The following FHIT variants were observed in gnomAD, a reference collection of about 807,000 sequenced individuals.
FHIT encodes bis(5'-adenosyl)-triphosphatase.
FHIT carries 19 observed loss-of-function variants against 17.9 expected under a neutral mutation model. The ratio of observed to expected loss-of-function variants is 1.06; its 90% CI spans 0.74 to 1.56. The LOEUF is 1.56. FHIT is among the 40% of genes most tolerant of loss of function. FHIT has a pLI of 0.00. For synonymous variants in FHIT, 81 were observed against 69.7 expected (o/e 1.16, Z -0.81); for missense variants, 248 against 189.2 (o/e 1.31, Z -1.82).
intron 5 of FHIT, among the ~76,000 whole-genome samples, chr3:60,287,196 T>G (rs1052664919): frequency 6.6e-6 from 1 of 151,868 alleles, no homozygotes; most frequent in Non-Finnish European, 1.5e-5. Context: ...TCAGACAGAG[T>G]CTTGCTCTGT....
intron 2 of FHIT, among the ~76,000 whole-genome samples, chr3:61,057,170 T>C (rs1307910343): frequency 1.3e-5 from 2 of 152,272 alleles, no homozygotes; most frequent in Non-Finnish European, 2.9e-5. Flanking sequence ...ATTCATCTTG[T>C]TAATGCAATA....
At chr3:61,043,341 C>T (rs773773150) in intron 2 of FHIT, among the ~76,000 whole-genome samples, 16 of 151,820 alleles carry the variant, frequency 1.1e-4, no homozygotes, top group South Asian at 2.2e-4. Flanking sequence ...ACGCCTAGCT[C>T]GGAGGGTCCC....
chr3:61,134,991 GAAAGCAGA>G (rs774989262), intron 2 of FHIT, among the ~76,000 whole-genome samples: 6 of 152,166 alleles, frequency 3.9e-5, no homozygotes, highest in Non-Finnish European at 7.3e-5. Flanking sequence ...CCTTGGGGAA[GAAAGCAGA>G]AAAGCAGAAA....
At chr3:60,353,023 T>C (rs138324612) in intron 5 of FHIT, among the ~76,000 whole-genome samples, 2,019 of 152,292 alleles carry the variant, frequency 0.013, 34 homozygotes, top group African/African-American at 0.036. Context: ...AGTTGATCAA[T>C]TGATTTGTTT....
intron 3 of FHIT, among the ~76,000 whole-genome samples, chr3:61,011,348 C>T (rs1194706170): frequency 6.6e-6 from 1 of 152,080 alleles, no homozygotes; most frequent in Non-Finnish European, 1.5e-5. Flanking sequence ...TTTTAGCTTG[C>T]TCTCACATAA....
chr3:59,993,197 G>T (rs1699363539), intron 7 of FHIT, among the ~76,000 whole-genome samples: 1 of 151,912 alleles, frequency 6.6e-6, no homozygotes, highest in Non-Finnish European at 1.5e-5. Context: ...TCACTCCTTG[G>T]TCGTTACGAC....
intron 3 of FHIT, among the ~76,000 whole-genome samples, chr3:60,838,360 G>A (rs1162404325): frequency 2.0e-5 from 3 of 151,840 alleles, no homozygotes; most frequent in Non-Finnish European, 4.4e-5. Flanking sequence ...TAGTCCCAGC[G>A]ACTCAGGAGG....
chr3:61,183,653 T>G (rs1215970718), intron 2 of FHIT, among the ~76,000 whole-genome samples: 1 of 152,182 alleles, frequency 6.6e-6, no homozygotes, highest in African/African-American at 2.4e-5. Context: ...ATGAGAGATT[T>G]CAAGAAAAGT....
At chr3:60,583,413 C>T (rs943035401) in intron 4 of FHIT, among the ~76,000 whole-genome samples, 2 of 151,916 alleles carry the variant, frequency 1.3e-5, no homozygotes, top group African/African-American at 4.8e-5. Context: ...GTTCTTCAGG[C>T]CCCACGGTCT....
In FHIT at chr3:60,867,647, T is replaced by A. The variant is rs180781668; in HGVS notation, c.-110-45636A>T. On this transcript the variant is annotated intron_variant, in intron 3 of 9. Coordinates refer to ENST00000492590, the MANE Select transcript of FHIT (RefSeq NM_002012.4). The stretch of plus-strand genomic sequence containing the variant: ...GCAGGATCATGTGACTAGCTCTACT[T>A]AGTGGGGCACGAGAAAAAGTAACAT... Among the ~76,000 whole-genome samples, 13 of 152,284 alleles carry A rather than the reference T, an allele frequency of 8.5e-5. No individual in the cohort carries two copies. The East Asian group carries it at 2.3e-3, about 27-fold the overall frequency.
At chr3:60,472,708 A>G (rs1251000723) in intron 5 of FHIT, among the ~76,000 whole-genome samples, 1 of 152,100 alleles carries the variant, frequency 6.6e-6, no homozygotes, top group Non-Finnish European at 1.5e-5. Flanking sequence ...TTTCAACTTT[A>G]CATGCTTTGG....
intron 3 of FHIT, among the ~76,000 whole-genome samples, chr3:61,026,072 C>A (rs1421448920): frequency 6.6e-6 from 1 of 151,990 alleles, no homozygotes; most frequent in Non-Finnish European, 1.5e-5. Flanking sequence ...TTTATCTTTA[C>A]ATCTATACTT....
At chr3:59,950,593 C>G (rs1332801268) in intron 7 of FHIT, among the ~76,000 whole-genome samples, 1 of 151,490 alleles carries the variant, frequency 6.6e-6, no homozygotes, top group African/African-American at 2.4e-5. Flanking sequence ...GCTTTTCCTA[C>G]TATTCTCTCC....
intron 7 of FHIT, among the ~76,000 whole-genome samples, chr3:59,953,594 C>G (rs1270528448): frequency 6.6e-6 from 1 of 152,114 alleles, no homozygotes; most frequent in Non-Finnish European, 1.5e-5. Context: ...GTAGGAATCT[C>G]CAACATATAC....
At chr3:60,869,878 T>A (rs1204661084) in intron 3 of FHIT, among the ~76,000 whole-genome samples, 1 of 152,142 alleles carries the variant, frequency 6.6e-6, no homozygotes, top group African/African-American at 2.4e-5. Context: ...CGAAGAGGAA[T>A]GTCTGTTCTT....
intron 5 of FHIT, among the ~76,000 whole-genome samples, chr3:60,088,343 T>C (rs1013809203): frequency 2.0e-5 from 3 of 152,160 alleles, no homozygotes; most frequent in Admixed American, 2.0e-4. Context: ...AAACACCACA[T>C]GGTAGAGTGG....
chr3:60,495,477 C>T (rs2034263471), intron 5 of FHIT, among the ~76,000 whole-genome samples: 1 of 151,784 alleles, frequency 6.6e-6, no homozygotes, highest in Non-Finnish European at 1.5e-5. Context: ...TTTTTACTCC[C>T]AGATTTTTCC....
At chr3:60,245,203 C>T (rs566173591) in intron 5 of FHIT, among the ~76,000 whole-genome samples, 5 of 151,994 alleles carry the variant, frequency 3.3e-5, no homozygotes, top group Non-Finnish European at 5.9e-5. Context: ...CTGAAACATA[C>T]TTTATATCTA....
At chr3:60,540,472 T>C (rs115418949) in intron 4 of FHIT, among the ~76,000 whole-genome samples, 1 of 152,282 alleles carries the variant, frequency 6.6e-6, no homozygotes, top group Non-Finnish European at 1.5e-5. Context: ...GCCCTCAACC[T>C]GTGGAATCTG....
Sources: gnomAD v4.1 joint callset for allele counts (sites outside exome capture counted in the v4.1 genomes callset) on GRCh38, gnomAD v4.1.1 for gene constraint, MANE v1.5 for transcripts, NCBI Gene and HGNC (gene_info 2026-07-23, HGNC 2026-07-21) for gene names.